The following CSNK1G1 variants were observed in gnomAD, a reference collection of about 807,000 sequenced individuals.
The protein encoded by CSNK1G1 is casein kinase 1 gamma 1, also known as casein kinase I isoform gamma-1.
A neutral mutation model predicts 59.6 loss-of-function variants in CSNK1G1; 22 were observed. That is an observed-to-expected ratio of 0.37 (90% CI 0.26 to 0.53). CSNK1G1 has a LOEUF of 0.53. Ranked by LOEUF, CSNK1G1 falls within the 20% of genes least tolerant of loss-of-function variation. The probability of loss-of-function intolerance (pLI) is 0.89; values close to 1 mark genes in which losing one functional copy is unlikely to be tolerated. For synonymous variants in CSNK1G1, 179 were observed against 177.1 expected, an observed-to-expected ratio of 1.01 and a Z score of -0.08; for missense variants, 384 against 519.5, an observed-to-expected ratio of 0.74 and a Z score of 2.54.
rs921721256 is a variant in CSNK1G1 at position 64,167,432 on chromosome 15, C to T, written c.*4499G>A. ...AAGACTAGGAGTCTCTGCCATCGAC[C>T]TCTAGACAGGACTTCCCTGGAGTCT... On this transcript the variant is annotated 3_prime_UTR_variant, in exon 12 of 12. Coordinates refer to ENST00000303052, the MANE Select transcript of CSNK1G1 (RefSeq NM_022048.5). The T allele has an allele frequency of 1.3e-5, 2 of 152,668 alleles. No individual in the cohort carries two copies. Among genetic ancestry groups the T allele is most frequent in the Admixed American group, 1.3e-4 (2 of 15,292 alleles). The allele number at this position is 152,668 out of a possible 1,614,324, so 9.5% of individuals were successfully genotyped here. A position where few individuals can be genotyped will look rare whatever the true frequency, so the allele number is the denominator to read the frequency against.
intron 2 of CSNK1G1, among the ~76,000 whole-genome samples, chr15:64,260,134 G>A (rs566770868): frequency 2.5e-4 from 38 of 152,234 alleles, no homozygotes; most frequent in African/African-American, 8.7e-4. Context: ...CCACTGCACT[G>A]AACTTCGCAT....
intron 4 of CSNK1G1, among the ~76,000 whole-genome samples, chr15:64,218,809 GATTCTCCCT>G (rs2082346037): frequency 6.8e-6 from 1 of 147,286 alleles, no homozygotes; most frequent in Admixed American, 6.8e-5. Flanking sequence ...TTGTTGTCTT[GATTCTCCCT>G]ATCTCCAAAA....
intron 10 of CSNK1G1, among the ~76,000 whole-genome samples, chr15:64,190,159 G>A (rs542981255): frequency 6.6e-6 from 1 of 152,152 alleles, no homozygotes; most frequent in South Asian, 2.1e-4. Context: ...AAGTCATATG[G>A]ACAAGAGTAT....
At chr15:64,340,908 T>C (rs1897649239) in intron 1 of CSNK1G1, among the ~76,000 whole-genome samples, 1 of 152,078 alleles carries the variant, frequency 6.6e-6, no homozygotes, top group South Asian at 2.1e-4. Flanking sequence ...CAGTGAGCCA[T>C]GATCACACCA....
chr15:64,179,937 GTTCCATGATTGTA>G (rs1473597958), intron 11 of CSNK1G1: 1 of 168,222 alleles, frequency 5.9e-6, no homozygotes, highest in Non-Finnish European at 1.3e-5. Context: ...TGAACTCCTT[GTTCCATGATTGTA>G]CATCCAGTTG....
chr15:64,239,090 C>T (rs896660387), intron 4 of CSNK1G1, among the ~76,000 whole-genome samples: 14 of 152,126 alleles, frequency 9.2e-5, no homozygotes, highest in African/African-American at 3.4e-4. Context: ...CCTACCTGCA[C>T]ACAGATTCAT....
intron 1 of CSNK1G1, among the ~76,000 whole-genome samples, chr15:64,338,197 G>A (rs1344388695): frequency 6.6e-6 from 1 of 152,120 alleles, no homozygotes; most frequent in Non-Finnish European, 1.5e-5. Flanking sequence ...CACAATGGCT[G>A]CGGCATTTTA....
At chr15:64,217,259 C>G (rs114734868) in intron 4 of CSNK1G1, among the ~76,000 whole-genome samples, 1,942 of 152,194 alleles carry the variant, frequency 0.013, 49 homozygotes, top group African/African-American at 0.044. Context: ...CAGGGAGTCT[C>G]TATAGTTTTT....
intron 2 of CSNK1G1, among the ~76,000 whole-genome samples, chr15:64,289,144 C>T (rs959315855): frequency 1.3e-5 from 2 of 150,498 alleles, no homozygotes; most frequent in Non-Finnish European, 2.9e-5. Flanking sequence ...TGCAACACTG[C>T]ACTCCAGCCT....
chr15:64,331,214 G>A (rs1897097976), intron 1 of CSNK1G1, among the ~76,000 whole-genome samples: 1 of 133,428 alleles, frequency 7.5e-6, no homozygotes, highest in Admixed American at 8.0e-5. Flanking sequence ...AGCCCGCATT[G>A]CCAAGTCAAT....
At chr15:64,343,236 C>CACACACACACACACACACA (rs1555405238) in intron 1 of CSNK1G1, among the ~76,000 whole-genome samples, 38 of 150,814 alleles carry the variant, frequency 2.5e-4, no homozygotes, top group Middle Eastern at 3.4e-3. Context: ...CACACACACA[C>CACACACACACACACACACA]CTCTTCTAAA....
chr15:64,238,704 C>T (rs960090733), intron 4 of CSNK1G1, among the ~76,000 whole-genome samples: 14 of 151,346 alleles, frequency 9.3e-5, no homozygotes, highest in Admixed American at 6.6e-4. Flanking sequence ...ACAGCTATGG[C>T]GTGTATTCTG....
At chr15:64,337,633 G>C (rs143961557) in intron 1 of CSNK1G1, among the ~76,000 whole-genome samples, 2 of 152,038 alleles carry the variant, frequency 1.3e-5, no homozygotes, top group Non-Finnish European at 2.9e-5. Flanking sequence ...ACCTGGCTTT[G>C]TTTTTTACTG....
intron 1 of CSNK1G1, among the ~76,000 whole-genome samples, chr15:64,339,633 G>T (rs1897585937): frequency 6.6e-6 from 1 of 152,122 alleles, no homozygotes; most frequent in Non-Finnish European, 1.5e-5. Context: ...AAACCCTCCA[G>T]AAAATTCCAA....
intron 1 of CSNK1G1, among the ~76,000 whole-genome samples, chr15:64,311,531 T>C (rs1268484505): frequency 6.6e-6 from 1 of 152,166 alleles, no homozygotes; most frequent in Non-Finnish European, 1.5e-5. Context: ...CACACACATA[T>C]ATTCCCAGAT....
chr15:64,281,465 GAAAGT>G (rs1335939747), intron 2 of CSNK1G1, among the ~76,000 whole-genome samples: 1 of 152,094 alleles, frequency 6.6e-6, no homozygotes, highest in Non-Finnish European at 1.5e-5. Flanking sequence ...AATAAAAAGA[GAAAGT>G]AGAGTGGTAG....
rs184676148 is a variant in CSNK1G1, at chr15:64,176,457, G to C, written c.1214+3891C>G. On this transcript the variant is annotated intron_variant, in intron 11 of 11. Coordinates refer to ENST00000303052, the MANE Select transcript of CSNK1G1 (RefSeq NM_022048.5). The surrounding 1 kb of genome is among the most constrained non-coding windows in gnomAD (Gnocchi z 5.2). ...TAGGCTGAGTAGGCCCAGGCCACTTGGTCCCCACGTTAAAGTGGAGGGTTC... is the reference window on the plus strand; with the variant it reads ...TAGGCTGAGTAGGCCCAGGCCACTTCGTCCCCACGTTAAAGTGGAGGGTTC... Among the ~76,000 whole-genome samples, 18 of 152,332 alleles carry C rather than the reference G, an allele frequency of 1.2e-4. No homozygotes were observed. Among genetic ancestry groups the C allele is most frequent in the African/African-American group, 4.1e-4 (17 of 41,576 alleles).
intron 4 of CSNK1G1, among the ~76,000 whole-genome samples, chr15:64,221,200 G>T (rs1433100754): frequency 6.6e-6 from 1 of 152,154 alleles, no homozygotes; most frequent in South Asian, 2.1e-4. Flanking sequence ...TCTTTCTAAA[G>T]TACAAGCTAA....
intron 4 of CSNK1G1, among the ~76,000 whole-genome samples, chr15:64,220,993 C>G (rs1031401444): frequency 6.6e-5 from 10 of 152,180 alleles, no homozygotes; most frequent in Non-Finnish European, 1.5e-5. Context: ...GAACCTAAGT[C>G]CCTGATGGCT....
Sources: allele counts gnomAD v4.1 joint callset (sites outside exome capture counted in the v4.1 genomes callset), GRCh38; gene constraint gnomAD v4.1.1; non-coding constraint Gnocchi (gnomAD v3.1); transcripts MANE v1.5; gene names NCBI Gene and HGNC (gene_info 2026-07-23, HGNC 2026-07-21).